The following THTPA variants were observed in gnomAD, a reference collection of about 807,000 sequenced individuals.
THTPA encodes thiamine-triphosphatase.
A neutral mutation model predicts 16.5 loss-of-function variants in THTPA; 16 were observed. The ratio of observed to expected loss-of-function variants is 0.97; its 90% CI spans 0.66 to 1.47. The LOEUF (loss-of-function observed/expected upper bound fraction) is 1.47, where lower values mean the gene tolerates loss of function less well. Ranked by LOEUF, THTPA falls within the 40% of genes most tolerant of loss-of-function variation. The probability of loss-of-function intolerance (pLI) is 0.00; values close to 1 mark genes in which losing one functional copy is unlikely to be tolerated. For synonymous variants in THTPA, 110 were observed against 115.5 expected, an observed-to-expected ratio of 0.95 and a Z score of 0.30; for missense variants, 281 against 280.9, an observed-to-expected ratio of 1.00 and a Z score of 0.00.
chr14:23,514,896 C>T, the THTPA span, among the ~76,000 whole-genome samples: 2 of 152,114 alleles, frequency 1.3e-5, no homozygotes, highest in Admixed American at 1.3e-4. Flanking sequence ...CTGCCTTCCT[C>T]CCAACTAGAT....
At position 23,559,276 on chromosome 14, in the gene THTPA, GA is replaced by G. The variant is rs1882983091; in HGVS notation, c.*440del. On this transcript the variant is annotated 3_prime_UTR_variant, in exon 2 of 2. Transcript: ENST00000288014. The stretch of plus-strand genomic sequence containing the variant: ...CTGCCTTGGGATGTGGGAAACAGAA[GA>G]AAAGTTGAGGAAATGGTTGGGAATC... 1 of 217,208 alleles carries G rather than the reference GA, an allele frequency of 4.6e-6. No homozygotes were observed. The highest frequency in any genetic ancestry group is 2.3e-5 in the African/African-American group (1 of 43,152). 13.5% of individuals were successfully genotyped at this position (217,208 alleles called of 1,614,324 possible).
chr14:23,532,461 T>TC, the THTPA span: 1 of 1,345,562 alleles, frequency 7.4e-7, no homozygotes, highest in East Asian at 2.7e-5. Flanking sequence ...TTCCTTTTTC[T>TC]CCATTTGTCA....
the THTPA span, chr14:23,513,102 A>G: frequency 6.6e-6 from 1 of 152,248 alleles, no homozygotes; most frequent in Admixed American, 6.5e-5. Flanking sequence ...CAGCTCTCCA[A>G]ATGCCACCCT....
chr14:23,526,539 C>T, the THTPA span: 12 of 1,535,888 alleles, frequency 7.8e-6, no homozygotes, highest in African/African-American at 9.6e-5. Context: ...TCAGCTTGGG[C>T]ATCAGGTTCA....
At chr14:23,519,047 G>A in the THTPA span, among the ~76,000 whole-genome samples, 1 of 152,182 alleles carries the variant, frequency 6.6e-6, no homozygotes, top group Non-Finnish European at 1.5e-5. Flanking sequence ...CAAATTCCAG[G>A]GTTCCAGGTA....
chr14:23,523,336 C>T, the THTPA span: 2 of 1,461,942 alleles, frequency 1.4e-6, no homozygotes, highest in Non-Finnish European at 1.8e-6. This position sits in a 1 kb window ranked among gnomAD's most constrained non-coding sequence, Gnocchi z 4.1. Flanking sequence ...CAGGTGGGGC[C>T]TTGAGAGCTG....
chr14:23,537,399 G>A, the THTPA span, among the ~76,000 whole-genome samples: 2 of 152,142 alleles, frequency 1.3e-5, no homozygotes, highest in East Asian at 1.9e-4. Context: ...AGAGTGCTTC[G>A]TGTAAGGGGC....
At chr14:23,541,352 G>A in the THTPA span, among the ~76,000 whole-genome samples, 2 of 150,236 alleles carry the variant, frequency 1.3e-5, no homozygotes, top group East Asian at 2.0e-4. Flanking sequence ...ACAATGGTGC[G>A]ATCTTGGCTC....
chr14:23,531,934 C>A, the THTPA span: 2 of 516,486 alleles, frequency 3.9e-6, no homozygotes, highest in Non-Finnish European at 5.8e-6. Context: ...GCGCACCACA[C>A]CTGGCTAATT....
At position 23,556,933 on chromosome 14, in the gene THTPA, A is replaced by C. The variant is rs140606262; in HGVS notation, c.176A>C (p.Asp59Ala). 170 of 1,614,086 alleles carry C rather than the reference A, an allele frequency of 1.1e-4. 1 individual carries two copies. The highest frequency in any genetic ancestry group is 9.9e-4 in the Middle Eastern group (6 of 6,062). Residue 59 changes from aspartate (D) to alanine (A), a missense_variant, in exon 1 of 2, where the codon GAT becomes GCT. Coordinates refer to ENST00000288014, the MANE Select transcript of THTPA (RefSeq NM_024328.6). ...QADHWLRRREDSGWELKCPGA... is the reference protein window; with the variant it reads ...QADHWLRRREASGWELKCPGA... ...GACCACTGGCTGCGACGACGAGAGGATAGTGGATGGGAGCTCAAATGTCCT... is the reference window on the plus strand; with the variant it reads ...GACCACTGGCTGCGACGACGAGAGGCTAGTGGATGGGAGCTCAAATGTCCT...
At chr14:23,526,253 G>T in the THTPA span, 1 of 1,536,380 alleles carries the variant, frequency 6.5e-7, no homozygotes, top group Non-Finnish European at 8.7e-7. Flanking sequence ...CTCTCCCCGT[G>T]CAGGGGCAGA....
chr14:23,536,532 CAAAT>C, the THTPA span, among the ~76,000 whole-genome samples: 1 of 152,124 alleles, frequency 6.6e-6, no homozygotes, highest in Non-Finnish European at 1.5e-5. Context: ...AAAGAGGTAA[CAAAT>C]AATAAGTAAT....
the THTPA span, chr14:23,526,922 A>G: frequency 6.5e-7 from 1 of 1,534,088 alleles, no homozygotes; most frequent in Admixed American, 2.0e-5. Context: ...AGAGGGCTTA[A>G]TGTGGGTGCA....
chr14:23,541,620 TCAC>T, the THTPA span, among the ~76,000 whole-genome samples: 1 of 152,184 alleles, frequency 6.6e-6, no homozygotes, highest in Non-Finnish European at 1.5e-5. Context: ...GCCATAGAGT[TCAC>T]TTCTTAGCCC....
chr14:23,524,771 C>A, the THTPA span: 3 of 1,536,470 alleles, frequency 2.0e-6, no homozygotes, highest in Non-Finnish European at 2.6e-6. This position sits in a 1 kb window ranked among gnomAD's most constrained non-coding sequence, Gnocchi z 5.6. Flanking sequence ...AGGTTCAAGG[C>A]CCTGTTCCTC....
chr14:23,531,352 C>A, the THTPA span: 1 of 1,265,674 alleles, frequency 7.9e-7, no homozygotes, highest in Non-Finnish European at 1.0e-6. Context: ...GCAGCTTCTT[C>A]CCATTTAGTA....
At chr14:23,524,726 G>A in the THTPA span, 12 of 1,536,188 alleles carry the variant, frequency 7.8e-6, no homozygotes, top group South Asian at 8.3e-5. This position sits in a 1 kb window ranked among gnomAD's most constrained non-coding sequence, Gnocchi z 5.6. Flanking sequence ...CTCCCCATCT[G>A]GAGGCTCTGG....
chr14:23,529,740 G>A, the THTPA span: 1 of 1,536,242 alleles, frequency 6.5e-7, no homozygotes, highest in Non-Finnish European at 8.7e-7. Context: ...CTCTGGAAGG[G>A]CCAGTCTTGT....
the THTPA span, among the ~76,000 whole-genome samples, chr14:23,540,919 T>C: frequency 6.6e-6 from 1 of 152,010 alleles, no homozygotes; most frequent in African/African-American, 2.4e-5. Context: ...CTCTCTTTTT[T>C]TTTTGAGACA....
Sources: gnomAD v4.1 joint callset for allele counts (sites outside exome capture counted in the v4.1 genomes callset) on GRCh38, gnomAD v4.1.1 for gene constraint, Gnocchi (gnomAD v3.1) non-coding constraint, MANE v1.5 for transcripts, NCBI Gene and HGNC (gene_info 2026-07-23, HGNC 2026-07-21) for gene names.